Variants in WDR37 observed in about 807,000 individuals in gnomAD.
The protein encoded by WDR37 is WD repeat domain 37.
WDR37 carries 19 observed loss-of-function variants against 62.9 expected under a neutral mutation model. That is an observed-to-expected ratio of 0.30 (90% CI 0.21 to 0.44). WDR37 has a LOEUF of 0.44. WDR37 is among the 20% of genes least tolerant of loss of function. WDR37 has a pLI of 1.00. For synonymous variants in WDR37, 250 were observed against 260.9 expected, an observed-to-expected ratio of 0.96 and a Z score of 0.40; for missense variants, 474 against 657.6, an observed-to-expected ratio of 0.72 and a Z score of 3.05.
intron 9 of WDR37, among the ~76,000 whole-genome samples, chr10:1,097,342 T>C (rs2131647815): frequency 6.6e-6 from 1 of 152,198 alleles, no homozygotes. Flanking sequence ...GGAGATGGGA[T>C]TATACCCAGA....
chr10:1,111,467 C>T (rs764266339), intron 11 of WDR37, among the ~76,000 whole-genome samples: 2 of 152,068 alleles, frequency 1.3e-5, no homozygotes, highest in Non-Finnish European at 1.5e-5. Context: ...AGTTTGAGTT[C>T]CAATGCTTCA....
At chr10:1,129,141 C>T in intron 13 of WDR37, 72 bp from the exon 14 acceptor site, 1 of 1,583,016 alleles carries the variant, frequency 6.3e-7, no homozygotes, top group Non-Finnish European at 8.6e-7. Flanking sequence ...TGTGGTTATT[C>T]ATTTCGCTGA....
chr10:1,090,201 C>G (rs1435979042), intron 7 of WDR37, among the ~76,000 whole-genome samples: 1 of 152,010 alleles, frequency 6.6e-6, no homozygotes, highest in Non-Finnish European at 1.5e-5. Context: ...GCTGTGTCAC[C>G]AGGCTGGAGT....
intron 3 of WDR37, among the ~76,000 whole-genome samples, chr10:1,078,998 T>G (rs1346212209): frequency 6.6e-6 from 1 of 152,248 alleles, no homozygotes; most frequent in East Asian, 1.9e-4. Context: ...ATTTAAACTT[T>G]GCTTTTGGAA....
chr10:1,093,426 GT>G, intron 7 of WDR37, 25 bp from the exon 8 acceptor site: 1 of 1,593,082 alleles, frequency 6.3e-7, no homozygotes. Context: ...CTTTAAACCT[GT>G]TTTTATCATA....
At chr10:1,073,424 AT>A (rs1833781686) in intron 2 of WDR37, among the ~76,000 whole-genome samples, 1 of 152,198 alleles carries the variant, frequency 6.6e-6, no homozygotes. Context: ...AGAATCCGAC[AT>A]GACTGTTGCC....
At chr10:1,060,332 G>A (rs191802929) in intron 1 of WDR37, among the ~76,000 whole-genome samples, 2 of 152,200 alleles carry the variant, frequency 1.3e-5, no homozygotes, top group African/African-American at 4.8e-5. Context: ...CATATACTAA[G>A]GGCAGGTGAA....
intron 11 of WDR37, chr10:1,123,764 A>G (rs1835657896): frequency 6.5e-6 from 1 of 152,694 alleles, no homozygotes; most frequent in African/African-American, 2.4e-5. Flanking sequence ...TTTTCTCTTA[A>G]CTCCTGTGTT....
rs989132460 is a variant in WDR37 at position 1,090,779 on chromosome 10, G to A, written c.605-2673G>A. Among the ~76,000 whole-genome samples the A allele has an allele frequency of 2.6e-4, 39 of 152,198 alleles. 1 individual carries two copies. The highest frequency in any genetic ancestry group is 4.1e-4 in the South Asian group (2 of 4,836). On this transcript the variant is annotated intron_variant, in intron 7 of 13. Coordinates refer to ENST00000263150, the MANE Select transcript of WDR37 (RefSeq NM_014023.4). Reference sequence around the variant, plus strand: ...AATTTTATGACAGTTAAATGTGCACGTGATGGAAGGAGCCAGTGCCTTTGA... The same window carrying A: ...AATTTTATGACAGTTAAATGTGCACATGATGGAAGGAGCCAGTGCCTTTGA...
rs1161060077 is a variant in WDR37 at position 1,121,197 on chromosome 10, T to C, written c.1104-3021T>C. ...CAATACTTGTCAGGATTGTGATTTA[T>C]TAAAAACCTAATGTCTTTTAGCATT... On this transcript the variant is annotated intron_variant, in intron 11 of 13. Transcript: ENST00000263150. This position sits in a 1 kb window ranked among gnomAD's most constrained non-coding sequence, Gnocchi z 4.5. Among the ~76,000 whole-genome samples the C allele has an allele frequency of 3.9e-5, 6 of 152,256 alleles. No individual in the cohort carries two copies. Among genetic ancestry groups the C allele is most frequent in the Admixed American group, 3.9e-4 (6 of 15,292 alleles).
chr10:1,107,623 G>A (rs541602096), intron 11 of WDR37, among the ~76,000 whole-genome samples: 5 of 151,172 alleles, frequency 3.3e-5, no homozygotes, highest in Non-Finnish European at 5.9e-5. Flanking sequence ...TTGCAGCACC[G>A]CTGTCTCTTT....
chr10:1,096,397 T>C, intron 9 of WDR37, 151 bp downstream of exon 9: 1 of 793,730 alleles, frequency 1.3e-6, no homozygotes, highest in Non-Finnish European at 2.1e-6. Flanking sequence ...ATTTGGAGAT[T>C]GGGCCTCTAA....
intron 1 of WDR37, among the ~76,000 whole-genome samples, chr10:1,071,681 C>T (rs894835927): frequency 2.6e-4 from 39 of 152,270 alleles, no homozygotes; most frequent in African/African-American, 9.1e-4. Flanking sequence ...AAAGTAATTT[C>T]ATATGCTTTT....
chr10:1,106,965 G>A (rs576413298), intron 11 of WDR37, among the ~76,000 whole-genome samples: 1 of 152,330 alleles, frequency 6.6e-6, no homozygotes, highest in South Asian at 2.1e-4. Context: ...GCATTAAACT[G>A]CTCCGTCCTG....
chr10:1,126,203 A>T (rs1241959387), intron 13 of WDR37, among the ~76,000 whole-genome samples: 1 of 152,138 alleles, frequency 6.6e-6, no homozygotes, highest in East Asian at 1.9e-4. Context: ...CAGGAGATCG[A>T]GACCATCCTG....
intron 11 of WDR37, among the ~76,000 whole-genome samples, chr10:1,111,815 GTGT>G (rs1451021021): frequency 6.6e-6 from 1 of 152,132 alleles, no homozygotes. Context: ...GTTGTAGTAT[GTGT>G]TGTTATTAGA....
At chr10:1,078,847 A>G (rs1353406023) in intron 3 of WDR37, among the ~76,000 whole-genome samples, 2 of 152,224 alleles carry the variant, frequency 1.3e-5, no homozygotes, top group African/African-American at 4.8e-5. Context: ...TGTAACTACA[A>G]TCAAGTCTTT....
rs147279011 is a variant in WDR37, at chr10:1,105,619, C to G, written c.1103+352C>G. 1.2e-4 allele frequency among the ~76,000 whole-genome samples: 19 copies of G among 152,274 alleles called. No individual in the cohort carries two copies. Among genetic ancestry groups the G allele is most frequent in the Admixed American group, 3.3e-4 (5 of 15,286 alleles). Reference sequence around the variant, plus strand: ...CATAGGAGCCGCGGGAGCTGTTACTCCTACCCACGGGGTGTCTCCTGGATC... The same window carrying G: ...CATAGGAGCCGCGGGAGCTGTTACTGCTACCCACGGGGTGTCTCCTGGATC... On this transcript the variant is annotated intron_variant, in intron 11 of 13. Coordinates refer to ENST00000263150, the MANE Select transcript of WDR37 (RefSeq NM_014023.4). This position sits in a 1 kb window ranked among gnomAD's most constrained non-coding sequence, Gnocchi z 5.3.
Position 1,093,436 on chromosome 10 carries a change from TA to T in WDR37, c.605-15del, listed in dbSNP as rs1482603097. On this transcript the variant is annotated splice_polypyrimidine_tract_variant and intron_variant, in intron 7 of 13. Coordinates refer to ENST00000263150, the MANE Select transcript of WDR37 (RefSeq NM_014023.4). ...TGTCACTTTAAACCTGTTTTTATCA[TA>T]TTTTTATTTTGCAGTAAATTCTATC... is the stretch of plus-strand genomic sequence containing the variant. 1 of 1,602,070 alleles carries T rather than the reference TA, an allele frequency of 6.2e-7. No homozygotes were observed. The highest frequency in any genetic ancestry group is 8.5e-7 in the Non-Finnish European group (1 of 1,173,190).
Sources: gnomAD v4.1 joint callset for allele counts (sites outside exome capture counted in the v4.1 genomes callset) on GRCh38, gnomAD v4.1.1 for gene constraint, Gnocchi (gnomAD v3.1) non-coding constraint, MANE v1.5 for transcripts, NCBI Gene and HGNC (gene_info 2026-07-23, HGNC 2026-07-21) for gene names.